Variants in RTCB observed in about 807,000 individuals in gnomAD.
The protein encoded by RTCB is RNA-splicing ligase RTCB.
Under a neutral mutation model 58.2 loss-of-function variants are expected in RTCB, and 32 were observed. The observed-to-expected ratio is 0.55, with a 90% CI of 0.41 to 0.74. RTCB has a LOEUF of 0.74. Ranked by LOEUF, RTCB falls within the 30% of genes least tolerant of loss-of-function variation. The pLI is 0.00. For missense variants in RTCB, 523 were observed against 639.0 expected (o/e 0.82, Z 1.96); for synonymous variants, 247 against 218.6 (o/e 1.13, Z -1.15).
rs17849275 is a variant in RTCB, at chr22:32,395,176, C to T, written c.1029G>A (p.Leu343=). Residue 343 remains leucine, a synonymous_variant, in exon 9 of 12, where the codon TTG becomes TTA. Coordinates refer to ENST00000216038, the MANE Select transcript of RTCB (RefSeq NM_014306.5). ...AKVFNTTPDD[L]DLHVIYDVSH... ...AAACATCATAGATCACATGTAGGTC[C>T]AAGTCATCAGGGGTTGTGTTGAAGA... 6.2e-7 allele frequency: 1 copy of T among 1,614,152 alleles called. No homozygotes were observed. The highest frequency in any genetic ancestry group is 1.1e-5 in the South Asian group (1 of 91,070).
At chr22:32,407,937 T>C in intron 3 of RTCB, 1 of 497,392 alleles carries the variant, frequency 2.0e-6, no homozygotes, top group Non-Finnish European at 3.7e-6. Context: ...ATTTTTTTGG[T>C]ATAGACAGGG....
intron 2 of RTCB, among the ~76,000 whole-genome samples, 161 bp downstream of exon 2, chr22:32,408,594 T>G (rs546625072): frequency 7.9e-5 from 12 of 152,360 alleles, no homozygotes; most frequent in African/African-American, 2.9e-4. Context: ...GCCAACTGGC[T>G]GACAATGTGA....
chr22:32,402,505 A>G (rs941225966), intron 4 of RTCB, among the ~76,000 whole-genome samples: 1 of 152,244 alleles, frequency 6.6e-6, no homozygotes, highest in African/African-American at 2.4e-5. Flanking sequence ...GCTGGAGTAC[A>G]GTGGGGTGAT....
chr22:32,401,568 G>A (rs1025422714), intron 5 of RTCB, 179 bp downstream of exon 5: 12 of 579,744 alleles, frequency 2.1e-5, no homozygotes, highest in African/African-American at 1.7e-4. Context: ...TTATAACATC[G>A]GTTGACTAAT....
intron 6 of RTCB, among the ~76,000 whole-genome samples, chr22:32,398,309 T>C (rs1933279213): frequency 6.6e-6 from 1 of 152,192 alleles, no homozygotes; most frequent in Non-Finnish European, 1.5e-5. Context: ...AATTTTGTTA[T>C]ATCATTATAT....
intron 5 of RTCB, among the ~76,000 whole-genome samples, chr22:32,400,706 G>A (rs1933322944): frequency 6.6e-6 from 1 of 151,958 alleles, no homozygotes; most frequent in Non-Finnish European, 1.5e-5. Context: ...TATTTTTTTT[G>A]GTTAGGGGGA....
Position 32,401,883 on chromosome 22 carries a change from T to C in RTCB, c.361A>G (p.Asn121Asp). The C allele has an allele frequency of 6.2e-7, 1 of 1,614,106 alleles. No individual in the cohort carries two copies. Among genetic ancestry groups the C allele is most frequent in the Non-Finnish European group, 8.5e-7 (1 of 1,179,970 alleles). The change falls in exon 5 of 12, where the codon AAC becomes GAC. Residue 121 changes from asparagine to aspartate, a missense_variant. By Grantham distance (23) the Asn-to-Asp change is conservative (BLOSUM62 1). Transcript: ENST00000216038. ...GTTCTTAGCAAGCGGACACCACAGT[T>C]GATGTCAAACCCGACACCACCTACA... ...VSPGGVGFDINCGVRLLRTNL... is the reference protein window; with the variant it reads ...VSPGGVGFDIDCGVRLLRTNL...
intron 11 of RTCB, among the ~76,000 whole-genome samples, chr22:32,391,626 T>C (rs1024618409): frequency 6.6e-6 from 1 of 151,970 alleles, no homozygotes; most frequent in Non-Finnish European, 1.5e-5. Flanking sequence ...CCTGACCTCA[T>C]GTGATCTGCC....
At chr22:32,410,855 C>G (rs1447599667) in intron 1 of RTCB, among the ~76,000 whole-genome samples, 1 of 151,938 alleles carries the variant, frequency 6.6e-6, no homozygotes, top group Non-Finnish European at 1.5e-5. Context: ...AGCTGTGGTG[C>G]ACACCACCCC....
chr22:32,393,536 G>A (rs1204410796), intron 10 of RTCB, among the ~76,000 whole-genome samples: 1 of 152,204 alleles, frequency 6.6e-6, no homozygotes, highest in Non-Finnish European at 1.5e-5. Context: ...AAACAAAGGA[G>A]CAGGTCCAGT....
chr22:32,407,731 C>G (rs1248323184), intron 3 of RTCB: 1 of 154,752 alleles, frequency 6.5e-6, no homozygotes, highest in Non-Finnish European at 1.4e-5. Context: ...CATCCAGATT[C>G]AATTATTTCT....
intron 1 of RTCB, among the ~76,000 whole-genome samples, chr22:32,409,351 A>G (rs1385792906): frequency 3.3e-5 from 5 of 152,252 alleles, no homozygotes; most frequent in Non-Finnish European, 7.3e-5. Context: ...TTAGGTAAAT[A>G]GTGAGAAGAA....
chr22:32,391,207 TA>T (rs1601423508), intron 11 of RTCB, among the ~76,000 whole-genome samples: 1 of 152,292 alleles, frequency 6.6e-6, no homozygotes, highest in African/African-American at 2.4e-5. Flanking sequence ...GGAAGCTACT[TA>T]AATGTCCACT....
At chr22:32,402,298 C>T (rs1490001460) in intron 4 of RTCB, among the ~76,000 whole-genome samples, 1 of 152,106 alleles carries the variant, frequency 6.6e-6, no homozygotes, top group African/African-American at 2.4e-5. Context: ...CCTAATTATT[C>T]CATCTTTCTA....
In RTCB at chr22:32,397,567, GATAC is replaced by G. The variant is rs1933267191; in HGVS notation, c.814+370_814+373del. Among the ~76,000 whole-genome samples the G allele has an allele frequency of 2.0e-5, 3 of 152,094 alleles. No homozygotes were observed. The East Asian group carries it at 5.8e-4, about 29-fold the overall frequency. ...ATCTACTGTTGCAGAGCAGGTATAT[GATAC>G]ATAATCTGCCAAATGAAAGCCTATT... is the stretch of plus-strand genomic sequence containing the variant. On this transcript the variant is annotated intron_variant, in intron 7 of 11. Transcript: ENST00000216038.
At chr22:32,403,234 G>A (rs942174938) in intron 4 of RTCB, among the ~76,000 whole-genome samples, 21 of 152,014 alleles carry the variant, frequency 1.4e-4, no homozygotes, top group Middle Eastern at 3.4e-3. Context: ...GTGAAACCCC[G>A]TCTCTACTAA....
chr22:32,399,576 A>C, intron 6 of RTCB, 27 bp downstream of exon 6: 1 of 1,556,656 alleles, frequency 6.4e-7, no homozygotes, highest in Non-Finnish European at 8.7e-7. Flanking sequence ...AAAAAAATTA[A>C]CATGTTGCCC....
chr22:32,388,906 C>T (rs1338601934), intron 11 of RTCB, among the ~76,000 whole-genome samples: 1 of 152,020 alleles, frequency 6.6e-6, no homozygotes, highest in Non-Finnish European at 1.5e-5. Flanking sequence ...TTTGAATGTT[C>T]CCTTCACCTT....
rs1933087647 is a variant in RTCB at position 32,388,088 on chromosome 22, G to T, written c.1422C>A (p.Ser474=). The T allele has an allele frequency of 6.8e-6, 11 of 1,608,988 alleles. No homozygotes were observed. Among genetic ancestry groups the T allele is most frequent in the Non-Finnish European group, 9.4e-6 (11 of 1,175,432 alleles). The change falls in exon 12 of 12, where the codon TCC becomes TCA. Residue 474 remains serine (S), a synonymous_variant. Transcript: ENST00000216038. ...TTACCACATCTGTCACATTCTTATAGGACTCAGGAGCCTGCAGGAGAGGAA... is the reference window on the plus strand; with the variant it reads ...TTACCACATCTGTCACATTCTTATATGACTCAGGAGCCTGCAGGAGAGGAA... The part of the protein sequence containing the change: ...PKLVMEEAPE[S]YKNVTDVVNT...
Sources: gnomAD v4.1 joint callset for allele counts (sites outside exome capture counted in the v4.1 genomes callset) on GRCh38, gnomAD v4.1.1 for gene constraint, MANE v1.5 for transcripts, NCBI Gene and HGNC (gene_info 2026-07-23, HGNC 2026-07-21) for gene names.